Variants in PTPN9 observed in about 807,000 individuals in gnomAD.
The protein encoded by PTPN9 is tyrosine-protein phosphatase non-receptor type 9.
In PTPN9, 26 loss-of-function variants were observed where a neutral mutation model predicts 69.8. That is an observed-to-expected ratio of 0.37 (90% CI 0.27 to 0.52). The LOEUF is 0.52. PTPN9 is among the 20% of genes least tolerant of loss of function. The pLI, the probability that PTPN9 is intolerant of heterozygous loss-of-function variation, is 0.91. For missense variants in PTPN9, 549 were observed against 740.3 expected, an observed-to-expected ratio of 0.74 and a Z score of 3.00; for synonymous variants, 274 against 272.5, an observed-to-expected ratio of 1.01 and a Z score of -0.05.
At chr15:75,490,171 C>A in intron 8 of PTPN9, 37 bp downstream of exon 8, 2 of 1,457,564 alleles carry the variant, frequency 1.4e-6, no homozygotes, top group Non-Finnish European at 1.9e-6. Flanking sequence ...CTCTATTTCC[C>A]CCAGTGCACC....
intron 12 of PTPN9, 77 bp from the exon 13 acceptor site, chr15:75,469,060 CTGAA>C (rs1454622272): frequency 7.5e-7 from 1 of 1,328,362 alleles, no homozygotes; most frequent in African/African-American, 1.5e-5. Flanking sequence ...CCAGGCAGAA[CTGAA>C]TGAATGACTT....
intron 1 of PTPN9, among the ~76,000 whole-genome samples, chr15:75,561,287 C>G (rs1457346618): frequency 6.6e-6 from 1 of 151,850 alleles, no homozygotes; most frequent in Non-Finnish European, 1.5e-5. Flanking sequence ...TGTGCTCCAG[C>G]CTGGGCAACA....
chr15:75,514,862 CCA>C (rs1240694283), intron 5 of PTPN9, among the ~76,000 whole-genome samples: 9 of 152,256 alleles, frequency 5.9e-5, no homozygotes, highest in Non-Finnish European at 1.3e-4. Flanking sequence ...CATCTCATAT[CCA>C]TTTGATTGGG....
chr15:75,569,130 T>C (rs1304458113), intron 1 of PTPN9, among the ~76,000 whole-genome samples: 3 of 152,226 alleles, frequency 2.0e-5, no homozygotes, highest in South Asian at 2.1e-4. Context: ...ACGAGAATTG[T>C]CTGATATACC....
chr15:75,541,916 T>C (rs1182016890), intron 1 of PTPN9, among the ~76,000 whole-genome samples: 1 of 151,718 alleles, frequency 6.6e-6, no homozygotes, highest in Non-Finnish European at 1.5e-5. Flanking sequence ...CGTGCACCTG[T>C]AGTCCCAGCT....
intron 7 of PTPN9, among the ~76,000 whole-genome samples, chr15:75,505,381 C>A (rs2074813142): frequency 1.3e-5 from 2 of 149,418 alleles, no homozygotes; most frequent in Admixed American, 1.3e-4. Flanking sequence ...TGTTTATCTG[C>A]CAACCTTCCC....
chr15:75,569,566 G>A (rs1351624233), intron 1 of PTPN9, among the ~76,000 whole-genome samples: 1 of 151,328 alleles, frequency 6.6e-6, no homozygotes, highest in Non-Finnish European at 1.5e-5. Flanking sequence ...TTAGCTGGGC[G>A]TGGTGGCGGG....
At chr15:75,471,089 A>G (rs2074561692) in intron 10 of PTPN9, among the ~76,000 whole-genome samples, 1 of 152,248 alleles carries the variant, frequency 6.6e-6, no homozygotes, top group South Asian at 2.1e-4. Context: ...TTTTCCTAAT[A>G]CGCAATAGTA....
intron 5 of PTPN9, among the ~76,000 whole-genome samples, chr15:75,514,267 T>C (rs894770480): frequency 4.6e-5 from 7 of 151,818 alleles, no homozygotes; most frequent in African/African-American, 1.5e-4. Flanking sequence ...GGCCGGAATA[T>C]TGAAAAACTG....
chr15:75,571,150 C>T (rs1456941231), intron 1 of PTPN9, among the ~76,000 whole-genome samples: 1 of 151,974 alleles, frequency 6.6e-6, no homozygotes, highest in African/African-American at 2.4e-5. Flanking sequence ...ATCCCAGCTA[C>T]TAGGGAGGCT....
In PTPN9 at chr15:75,540,283, G is replaced by A. The variant is rs114970837; in HGVS notation, c.64-13022C>T. Among the ~76,000 whole-genome samples, 632 of 152,172 alleles carry A rather than the reference G, an allele frequency of 4.2e-3. 5 individuals carry two copies. The highest frequency in any genetic ancestry group is 0.015 in the African/African-American group (617 of 41,542). On this transcript the variant is annotated intron_variant, in intron 1 of 12. Coordinates refer to ENST00000618819, the MANE Select transcript of PTPN9 (RefSeq NM_002833.4). Reference sequence around the variant, plus strand: ...ACTTTTTTAAAAATAATGTGTGGCCGGGCATGTTGGCTCACGCCTGTAATC... The same window carrying A: ...ACTTTTTTAAAAATAATGTGTGGCCAGGCATGTTGGCTCACGCCTGTAATC...
chr15:75,482,018 G>C (rs374609409), intron 8 of PTPN9, among the ~76,000 whole-genome samples: 40,267 of 134,442 alleles, frequency 0.3, 5,468 homozygotes, highest in Middle Eastern at 0.46. Context: ...AATAGAAAGG[G>C]GGGAAAGGTG....
At chr15:75,526,307 A>G (rs2074927235) in intron 2 of PTPN9, among the ~76,000 whole-genome samples, 1 of 152,112 alleles carries the variant, frequency 6.6e-6, no homozygotes, top group Admixed American at 6.5e-5. Context: ...CTCTCTTTCT[A>G]AATAGTAATC....
chr15:75,555,658 C>G (rs2075073934), intron 1 of PTPN9, among the ~76,000 whole-genome samples: 1 of 151,976 alleles, frequency 6.6e-6, no homozygotes, highest in Non-Finnish European at 1.5e-5. Context: ...GCGTGCACCA[C>G]CATGCCCAGA....
chr15:75,576,879 T>G (rs1025262419), intron 1 of PTPN9, among the ~76,000 whole-genome samples: 4 of 152,152 alleles, frequency 2.6e-5, no homozygotes, highest in African/African-American at 9.7e-5. Flanking sequence ...TATGTGATAT[T>G]AAACTAAAAT....
intron 1 of PTPN9, among the ~76,000 whole-genome samples, chr15:75,530,581 T>C (rs2074953395): frequency 1.4e-5 from 1 of 69,870 alleles, no homozygotes; most frequent in South Asian, 3.2e-4. Flanking sequence ...TATAATATAC[T>C]ATAATATATA....
In PTPN9 at chr15:75,505,462, AT is replaced by A. The variant is rs1364152687; in HGVS notation, c.968+212del. ...CACCCAAGAATGATCAATAAAAAAA[AT>A]AAAAATTTAAAAAAAAAAGAAAAAA... On this transcript the variant is annotated intron_variant, in intron 7 of 12. Transcript: ENST00000618819. Among the ~76,000 whole-genome samples the A allele has an allele frequency of 3.1e-4, 47 of 151,780 alleles. 1 individual carries two copies. The highest frequency in any genetic ancestry group is 1.1e-3 in the African/African-American group (44 of 41,368).
intron 6 of PTPN9, among the ~76,000 whole-genome samples, chr15:75,508,073 C>G (rs1048269359): frequency 2.0e-5 from 3 of 148,576 alleles, no homozygotes; most frequent in Non-Finnish European, 4.5e-5. Context: ...AAGAAAAGCT[C>G]TCTCCTACTC....
At chr15:75,530,411 TTATTATA>T (rs2074950074) in intron 1 of PTPN9, among the ~76,000 whole-genome samples, 1 of 110,884 alleles carries the variant, frequency 9.0e-6, no homozygotes, top group African/African-American at 3.5e-5. Flanking sequence ...ACATATTATA[TTATTATA>T]TATTATATTA....
Sources: gnomAD v4.1 joint callset for allele counts (sites outside exome capture counted in the v4.1 genomes callset) on GRCh38, gnomAD v4.1.1 for gene constraint, MANE v1.5 for transcripts, NCBI Gene and HGNC (gene_info 2026-07-23, HGNC 2026-07-21) for gene names.